The following CHL1 variants were observed in gnomAD, a reference collection of about 807,000 sequenced individuals.
The protein encoded by CHL1 is neural cell adhesion molecule L1-like protein.
Under a neutral mutation model 141.9 loss-of-function variants are expected in CHL1, and 96 were observed. The observed-to-expected ratio is 0.68, with a 90% confidence interval of 0.57 to 0.80. The LOEUF (loss-of-function observed/expected upper bound fraction) is 0.80. Ranked by LOEUF, CHL1 falls within the 30% of genes least tolerant of loss-of-function variation. The pLI is 0.00. For missense variants in CHL1, 1,820 were observed against 1,457.2 expected (o/e 1.25, Z -4.05); for synonymous variants, 613 against 502.2 (o/e 1.22, Z -2.95).
Position 394,905 on chromosome 3 carries a change from G to T in CHL1, c.3094+33G>T, listed in dbSNP as rs376100566. ...CATGAGGCTTCTCTTTTTAATAGAG[G>T]CTTTAAAAAGAGACTGCATCTTTTT... On this transcript the variant is annotated intron_variant, in intron 24 of 27. Coordinates refer to ENST00000256509, the MANE Select transcript of CHL1 (RefSeq NM_006614.4). 2.0e-5 allele frequency: 30 copies of T among 1,512,492 alleles called. No homozygotes were observed. The African/African-American group carries it at 3.5e-4, about 18-fold the overall frequency. The allele number at this position is 1,512,492 out of a possible 1,614,324, so 93.7% of individuals were successfully genotyped here. A position where few individuals can be genotyped will look rare whatever the true frequency, so the allele number is the denominator to read the frequency against.
chr3:258,670 C>G (rs1448397096), intron 2 of CHL1, among the ~76,000 whole-genome samples: 1 of 152,172 alleles, frequency 6.6e-6, no homozygotes, highest in Non-Finnish European at 1.5e-5. Context: ...GACCTTGCCT[C>G]TGAATAAGCT....
chr3:242,594 T>G (rs1692761044), intron 1 of CHL1, among the ~76,000 whole-genome samples: 1 of 112,186 alleles, frequency 8.9e-6, no homozygotes, highest in Admixed American at 1.0e-4. Flanking sequence ...GGACTCCATC[T>G]CAAAATAAAT....
At chr3:380,088 A>G (rs1265576051) in intron 16 of CHL1, among the ~76,000 whole-genome samples, 1 of 152,232 alleles carries the variant, frequency 6.6e-6, no homozygotes, top group Non-Finnish European at 1.5e-5. Context: ...TTAATATCAG[A>G]TGCAATACAC....
chr3:250,133 A>C (rs1320721975), intron 2 of CHL1, among the ~76,000 whole-genome samples: 2 of 151,842 alleles, frequency 1.3e-5, no homozygotes, highest in Non-Finnish European at 2.9e-5. Flanking sequence ...CACCTGGCTA[A>C]TTTTTTATAT....
At chr3:369,054 T>G (rs1418830882) in intron 15 of CHL1, among the ~76,000 whole-genome samples, 1 of 152,206 alleles carries the variant, frequency 6.6e-6, no homozygotes, top group East Asian at 1.9e-4. Flanking sequence ...TTCTTTTTGC[T>G]TAGGATTGTT....
intron 1 of CHL1, among the ~76,000 whole-genome samples, chr3:234,895 T>G (rs914045086): frequency 2.0e-4 from 31 of 152,196 alleles, no homozygotes; most frequent in African/African-American, 6.8e-4. Flanking sequence ...AATAGTGATG[T>G]TAACATCTTT....
chr3:346,043 G>T (rs537428183), intron 9 of CHL1, among the ~76,000 whole-genome samples: 2 of 152,102 alleles, frequency 1.3e-5, no homozygotes, highest in South Asian at 4.1e-4. Context: ...TAATCTGTTC[G>T]TAAGCTAAGG....
chr3:344,557 A>G (rs771787550), intron 8 of CHL1, 32 bp from the exon 9 acceptor site: 23 of 1,569,950 alleles, frequency 1.5e-5, no homozygotes, highest in Non-Finnish European at 2.0e-5. Context: ...ATTAATTTGA[A>G]AAAATTCTGA....
Position 354,714 on chromosome 3 carries a change from G to A in CHL1, c.1108G>A (p.Ala370Thr), listed in dbSNP as rs1703566086. Residue 370 changes from alanine (A) to threonine (T), a missense_variant, in exon 11 of 28, where the codon GCT becomes ACT. Ala to Thr is a moderately conservative substitution (Grantham distance 58). Transcript: ENST00000256509. Reference protein sequence around the residue: ...TGSNGILLCEAEGEPQPTIKW... With the variant: ...TGSNGILLCETEGEPQPTIKW... ...AAGCAATGGCATCTTGTTATGTGAG[G>A]CTGAAGGAGAACCTCAACCCACAAT... 2.5e-6 allele frequency: 4 copies of A among 1,613,988 alleles called. No individual in the cohort carries two copies. Among genetic ancestry groups the A allele is most frequent in the South Asian group, 1.1e-5 (1 of 91,082 alleles).
chr3:219,090 A>G (rs1272337941), intron 1 of CHL1, among the ~76,000 whole-genome samples: 2 of 152,002 alleles, frequency 1.3e-5, no homozygotes, highest in Middle Eastern at 3.2e-3. Context: ...TGGAGCTTGC[A>G]GTGAGCCGAG....
At chr3:298,415 C>T (rs1319729788) in intron 2 of CHL1, among the ~76,000 whole-genome samples, 1 of 133,708 alleles carries the variant, frequency 7.5e-6, no homozygotes. Flanking sequence ...TGCACTGGAC[C>T]CACAGGAAAT....
chr3:309,356 A>G (rs376041018), intron 2 of CHL1: 2 of 150,048 alleles, frequency 1.3e-5, no homozygotes, highest in South Asian at 4.2e-4. Context: ...AAACTTAGGT[A>G]TATATTTTCT....
intron 2 of CHL1, among the ~76,000 whole-genome samples, chr3:265,148 G>C (rs1049725380): frequency 3.9e-5 from 6 of 152,196 alleles, no homozygotes; most frequent in Non-Finnish European, 5.9e-5. Context: ...TAATTAACGG[G>C]TAGCTAAGAG....
At chr3:391,892 G>A in intron 23 of CHL1, 95 bp downstream of exon 23, 1 of 1,024,204 alleles carries the variant, frequency 9.8e-7, no homozygotes, top group Non-Finnish European at 1.4e-6. Context: ...GATCACTTAA[G>A]GCCATGGTTT....
intron 1 of CHL1, among the ~76,000 whole-genome samples, chr3:218,005 T>G (rs896563097): frequency 3.9e-5 from 6 of 152,198 alleles, no homozygotes; most frequent in African/African-American, 1.4e-4. Context: ...TTTATTGTAC[T>G]TCTATTAAGA....
intron 1 of CHL1, among the ~76,000 whole-genome samples, chr3:241,369 T>C (rs977598137): frequency 1.3e-5 from 2 of 152,178 alleles, no homozygotes; most frequent in East Asian, 3.9e-4. Flanking sequence ...GAGGGTATGT[T>C]GTGTGAAAAG....
At chr3:247,368 T>A (rs559142128) in intron 2 of CHL1, 3 of 152,220 alleles carry the variant, frequency 2.0e-5, no homozygotes, top group South Asian at 2.1e-4. Context: ...TCCGTTTACA[T>A]GCTTCATGCT....
chr3:320,143 T>C (rs1161976065), intron 3 of CHL1, among the ~76,000 whole-genome samples: 1 of 152,064 alleles, frequency 6.6e-6, no homozygotes, highest in Non-Finnish European at 1.5e-5. Context: ...TTTTTCCATA[T>C]GTCTTGGATT....
At chr3:314,182 T>C (rs1699970146) in intron 2 of CHL1, among the ~76,000 whole-genome samples, 1 of 151,650 alleles carries the variant, frequency 6.6e-6, no homozygotes, top group African/African-American at 2.4e-5. Flanking sequence ...TGTTGAAATA[T>C]TTTAGGCTGA....
Sources: gnomAD v4.1 joint callset for allele counts (sites outside exome capture counted in the v4.1 genomes callset) on GRCh38, gnomAD v4.1.1 for gene constraint, MANE v1.5 for transcripts, NCBI Gene and HGNC (gene_info 2026-07-23, HGNC 2026-07-21) for gene names.